The following SLC39A11 variants were observed in gnomAD, a reference collection of about 807,000 sequenced individuals.
SLC39A11 encodes zinc transporter ZIP11.
A neutral mutation model predicts 36.1 loss-of-function variants in SLC39A11; 33 were observed. That is an observed-to-expected ratio of 0.91 (90% CI 0.69 to 1.22). The LOEUF (loss-of-function observed/expected upper bound fraction) is 1.22, where lower values mean the gene tolerates loss of function less well. Ranked by LOEUF, SLC39A11 falls within the 50% of genes most tolerant of loss-of-function variation. The pLI is 0.00. For missense variants in SLC39A11, 432 were observed against 430.3 expected, an observed-to-expected ratio of 1.00 and a Z score of -0.03; for synonymous variants, 166 against 170.3, an observed-to-expected ratio of 0.97 and a Z score of 0.20.
chr17:72,886,013 G>A (rs1331723827), intron 5 of SLC39A11, among the ~76,000 whole-genome samples: 1 of 152,094 alleles, frequency 6.6e-6, no homozygotes, highest in Non-Finnish European at 1.5e-5. Flanking sequence ...TCTTTCACAT[G>A]TCTAGTCAAT....
intron 7 of SLC39A11, among the ~76,000 whole-genome samples, chr17:72,715,993 G>A (rs193164626): frequency 1.1e-4 from 16 of 152,162 alleles, no homozygotes; most frequent in South Asian, 6.2e-4. Flanking sequence ...CACCGTGCCC[G>A]GCCAAAATGT....
intron 7 of SLC39A11, among the ~76,000 whole-genome samples, chr17:72,665,421 CT>C (rs1196469242): frequency 6.3e-4 from 36 of 57,044 alleles, no homozygotes; most frequent in African/African-American, 1.8e-3. Context: ...GAGACAGGGT[CT>C]TGCTGTTGCC....
At chr17:73,036,443 G>GT (rs71154949) in intron 3 of SLC39A11, among the ~76,000 whole-genome samples, 40,105 of 151,250 alleles carry the variant, frequency 0.27, 6,181 homozygotes, top group African/African-American at 0.41. Context: ...TTTGTTTTTT[G>GT]TTTTTTTTCT....
intron 4 of SLC39A11, among the ~76,000 whole-genome samples, chr17:73,020,866 A>C (rs2058327266): frequency 6.6e-6 from 1 of 151,888 alleles, no homozygotes; most frequent in African/African-American, 2.4e-5. Flanking sequence ...TACTTTTAGT[A>C]GAGACAGGGT....
At chr17:72,837,996 G>A in intron 6 of SLC39A11, 13 of 1,231,354 alleles carry the variant, frequency 1.1e-5, no homozygotes, top group Non-Finnish European at 1.3e-5. Context: ...TTCAGGAATA[G>A]TGGTAGGTTG....
rs755968790 is a variant in SLC39A11, at chr17:72,884,922, A to C, written c.431-35118T>G. ...GAGAGGAACTCATCATTAAATATAA[A>C]GTGGTAATATTAAATGAGTCTTTCT... On this transcript the variant is annotated intron_variant, in intron 5 of 9. Coordinates refer to ENST00000255559, the MANE Select transcript of SLC39A11 (RefSeq NM_139177.4). 2.2e-4 allele frequency among the ~76,000 whole-genome samples: 34 copies of C among 152,206 alleles called. 1 individual carries two copies. In the Middle Eastern group the frequency reaches 0.014, roughly 61 times the overall value.
In SLC39A11 at chr17:72,647,485, A is replaced by G; in HGVS notation, c.*99T>C. 2.1e-6 allele frequency: 2 copies of G among 937,186 alleles called. No homozygotes were observed. The highest frequency in any genetic ancestry group is 2.7e-5 in the East Asian group (1 of 37,606). 58.1% of individuals were successfully genotyped at this position (937,186 alleles called of 1,614,324 possible). On this transcript the variant is annotated 3_prime_UTR_variant, in exon 10 of 10. Transcript: ENST00000255559. The stretch of plus-strand genomic sequence containing the variant: ...AATGAGATGAAGAAGAGAGGAAGGA[A>G]AAAAGTTTTAATGTGAAGAAAGAAG...
chr17:72,947,273 C>T (rs899698755), intron 5 of SLC39A11, among the ~76,000 whole-genome samples: 18 of 151,206 alleles, frequency 1.2e-4, no homozygotes, highest in Non-Finnish European at 2.2e-4. Context: ...GAGATGGCGC[C>T]ACTGCACTCC....
Position 72,796,026 on chromosome 17 carries a change from A to C in SLC39A11, c.601+53608T>G, listed in dbSNP as rs2076884510. ...CAACAAAGAGGTCAAAATTGCAAGA[A>C]TTTTTATACAGTGCAATGCTAAGAT... On this transcript the variant is annotated intron_variant, in intron 6 of 9. Coordinates refer to ENST00000255559, the MANE Select transcript of SLC39A11 (RefSeq NM_139177.4). Among the ~76,000 whole-genome samples the C allele has an allele frequency of 3.3e-5, 5 of 152,242 alleles. No individual in the cohort carries two copies. The South Asian group carries it at 1.0e-3, about 32-fold the overall frequency.
intron 7 of SLC39A11, among the ~76,000 whole-genome samples, chr17:72,728,824 T>C (rs1043295875): frequency 1.3e-5 from 2 of 152,126 alleles, no homozygotes; most frequent in African/African-American, 4.8e-5. Flanking sequence ...CTCAGTTCAC[T>C]CCACGGCACG....
chr17:72,832,791 T>C (rs897368387), intron 6 of SLC39A11, among the ~76,000 whole-genome samples: 1 of 152,348 alleles, frequency 6.6e-6, no homozygotes, highest in Middle Eastern at 3.4e-3. Flanking sequence ...ACATAATTAA[T>C]GTGCACTAAA....
intron 6 of SLC39A11, among the ~76,000 whole-genome samples, chr17:72,759,063 T>A (rs2075470499): frequency 6.6e-6 from 1 of 151,690 alleles, no homozygotes. Flanking sequence ...ATCGTGCCAT[T>A]GCACTCCAGC....
intron 3 of SLC39A11, among the ~76,000 whole-genome samples, chr17:73,039,014 G>C (rs2059021330): frequency 6.6e-6 from 1 of 152,056 alleles, no homozygotes; most frequent in Non-Finnish European, 1.5e-5. Flanking sequence ...ATTTATTATG[G>C]GAAAATGCAG....
chr17:72,833,761 G>T (rs2078388843), intron 6 of SLC39A11, among the ~76,000 whole-genome samples: 1 of 152,060 alleles, frequency 6.6e-6, no homozygotes, highest in Non-Finnish European at 1.5e-5. Context: ...CCCTTGTGCA[G>T]CTCCTTCCAT....
chr17:72,895,723 A>G (rs1291603354), intron 5 of SLC39A11, among the ~76,000 whole-genome samples: 1 of 152,032 alleles, frequency 6.6e-6, no homozygotes, highest in African/African-American at 2.4e-5. Context: ...TGAGTTCTCT[A>G]TTTTTCTCTT....
chr17:72,798,967 G>A (rs1460241826), intron 6 of SLC39A11, among the ~76,000 whole-genome samples: 1 of 152,044 alleles, frequency 6.6e-6, no homozygotes, highest in East Asian at 1.9e-4. Context: ...GCACAAGAAG[G>A]CCAAAGATAG....
At chr17:72,906,298 A>C (rs888423578) in intron 5 of SLC39A11, among the ~76,000 whole-genome samples, 1 of 152,248 alleles carries the variant, frequency 6.6e-6, no homozygotes, top group Non-Finnish European at 1.5e-5. Flanking sequence ...CAGAGGTCTG[A>C]GCCACAAATG....
intron 4 of SLC39A11, among the ~76,000 whole-genome samples, chr17:72,973,497 T>C (rs907479058): frequency 5.3e-5 from 8 of 152,190 alleles, no homozygotes; most frequent in Non-Finnish European, 7.4e-5. Flanking sequence ...CTAGGAATTA[T>C]AGGTAGGCAC....
chr17:72,701,609 T>G lies in SLC39A11; in HGVS notation c.671+35041A>C, dbSNP rs9912565. Among the ~76,000 whole-genome samples the G allele has an allele frequency of 8.0e-3, 1,202 of 151,110 alleles. 9 individuals carry two copies. Among genetic ancestry groups the G allele is most frequent in the African/African-American group, 0.025 (1,030 of 41,102 alleles). ...CAGGTGTGGTGGTGCATGCCTGTAG[T>G]CCCAGCTACTGGGGAGGCTGAAGCA... On this transcript the variant is annotated intron_variant, in intron 7 of 9. Transcript: ENST00000255559.
Sources: allele counts gnomAD v4.1 joint callset (sites outside exome capture counted in the v4.1 genomes callset), GRCh38; gene constraint gnomAD v4.1.1; transcripts MANE v1.5; gene names NCBI Gene and HGNC (gene_info 2026-07-23, HGNC 2026-07-21).